Variants in TMED4 observed in about 807,000 individuals in gnomAD.
The protein encoded by TMED4 is transmembrane emp24 domain-containing protein 4.
Under a neutral mutation model 26.5 loss-of-function variants are expected in TMED4, and 19 were observed. The observed-to-expected ratio is 0.72, with a 90% CI of 0.50 to 1.05. TMED4 has a LOEUF of 1.05. Ranked by LOEUF, TMED4 falls within the 50% of genes least tolerant of loss-of-function variation. The probability of loss-of-function intolerance (pLI) is 0.00; values close to 1 mark genes in which losing one functional copy is unlikely to be tolerated. For synonymous variants in TMED4, 121 were observed against 119.8 expected, an observed-to-expected ratio of 1.01 and a Z score of -0.07; for missense variants, 303 against 302.5, an observed-to-expected ratio of 1.00 and a Z score of -0.01.
chr7:44,581,915 G>A (rs1803014554), intron 1 of TMED4, 92 bp from the exon 2 acceptor site: 1 of 1,570,944 alleles, frequency 6.4e-7, no homozygotes, highest in Non-Finnish European at 8.7e-7. Flanking sequence ...CTAGGCAGGG[G>A]GCCTGGCGTC....
Position 44,578,962 on chromosome 7 carries a change from A to G in TMED4, c.*517T>C, listed in dbSNP as rs1304192827. 1.3e-5 allele frequency: 2 copies of G among 152,116 alleles called. No individual in the cohort carries two copies. The highest frequency in any genetic ancestry group is 2.9e-5 in the Non-Finnish European group (2 of 68,034). 9.4% of individuals were successfully genotyped at this position (152,116 alleles called of 1,614,324 possible). A position where few individuals can be genotyped will look rare whatever the true frequency, so the allele number is the denominator to read the frequency against. ...ACAGGCAGTAACACTTCTACTAGGA[A>G]GGAAAATATATAATTTATCCAAAAA... On this transcript the variant is annotated 3_prime_UTR_variant, in exon 5 of 5. Transcript: ENST00000457408.
Position 44,581,156 on chromosome 7 carries a change from C to T in TMED4, c.471G>A (p.Gln157=). 1 of 1,614,172 alleles carries T rather than the reference C, an allele frequency of 6.2e-7. No homozygotes were observed. The highest frequency in any genetic ancestry group is 8.5e-7 in the Non-Finnish European group (1 of 1,180,032). Residue 157 remains glutamine (Q), a synonymous_variant, in exon 4 of 5, where the codon CAG becomes CAA. Transcript: ENST00000457408. The part of the protein sequence containing the change: ...IAAKDKLTEL[Q]LRARQLLDQV... ...GATCAAGCAACTGGCGGGCGCGGAG[C>T]TGTAGCTCCGTCAGCTTATCTTTTG...
Position 44,582,160 on chromosome 7 carries a change from G to A in TMED4, c.47C>T (p.Ala16Val), listed in dbSNP as rs1251040807. 4 of 1,549,226 alleles carry A rather than the reference G, an allele frequency of 2.6e-6. No individual in the cohort carries two copies. The highest frequency in any genetic ancestry group is 3.5e-6 in the Non-Finnish European group (4 of 1,146,490). ...AGPLRAMGRQ[A>V]LLLLALCATG... ...GGCGCACAGCGCGAGAAGCAGCAGGGCCTGCCGCCCCATCGCCCGCAGAGG... is the reference window on the plus strand; with the variant it reads ...GGCGCACAGCGCGAGAAGCAGCAGGACCTGCCGCCCCATCGCCCGCAGAGG... Residue 16 changes from alanine to valine, a missense_variant, in exon 1 of 5, where the codon GCC becomes GTC. By Grantham distance (64) the Ala-to-Val change is moderately conservative (BLOSUM62 0). Transcript: ENST00000457408.
chr7:44,580,940 C>A, intron 4 of TMED4, 153 bp downstream of exon 4: 1 of 844,944 alleles, frequency 1.2e-6, no homozygotes, highest in Non-Finnish European at 1.8e-6. Context: ...AAGAGTGAAA[C>A]TCCGTCTCAA....
Position 44,577,938 on chromosome 7 carries a change from TATATA to T in TMED4, c.*1536_*1540del, listed in dbSNP as rs1299004321. 2.0e-5 allele frequency: 3 copies of T among 152,036 alleles called. No homozygotes were observed. The highest frequency in any genetic ancestry group is 4.4e-5 in the Non-Finnish European group (3 of 68,006). The allele number at this position is 152,036 out of a possible 1,614,324, so 9.4% of individuals were successfully genotyped here. On this transcript the variant is annotated 3_prime_UTR_variant, in exon 5 of 5. Coordinates refer to ENST00000457408, the MANE Select transcript of TMED4 (RefSeq NM_182547.4). ...TAATTTAATAAATATTTCAAATAAA[TATATA>T]ATAAAAACTGAAATAAAATGTCAAG... is the stretch of plus-strand genomic sequence containing the variant.
chr7:44,581,310 T>C (rs1802982978), intron 3 of TMED4, 71 bp from the exon 4 acceptor site: 2 of 1,601,090 alleles, frequency 1.2e-6, no homozygotes, highest in South Asian at 1.1e-5. Flanking sequence ...GAACCCACTA[T>C]TGTCCCTGGC....
chr7:44,580,812 T>C, intron 4 of TMED4: 2 of 302,756 alleles, frequency 6.6e-6, no homozygotes, highest in Non-Finnish European at 1.3e-5. Flanking sequence ...CCAGGCATGG[T>C]GGCGCATGCC....
chr7:44,581,047 A>G, intron 4 of TMED4, 46 bp downstream of exon 4: 1 of 1,610,086 alleles, frequency 6.2e-7, no homozygotes, highest in Non-Finnish European at 8.5e-7. Flanking sequence ...TATAGTGGGT[A>G]TAAAGGTCAA....
In TMED4 at chr7:44,579,878, G is replaced by A. The variant is rs181379209; in HGVS notation, c.535-250C>T. The A allele has an allele frequency of 4.4e-5, 15 of 343,972 alleles. No individual in the cohort carries two copies. The Admixed American group carries it at 6.3e-4, about 14-fold the overall frequency. 21.3% of individuals were successfully genotyped at this position (343,972 alleles called of 1,614,324 possible). Reference sequence around the variant, plus strand: ...TTCCAACAAGAGTCCAAGAAAAACAGGTAGGCAATGGCTATTACTAGATTG... The same window carrying A: ...TTCCAACAAGAGTCCAAGAAAAACAAGTAGGCAATGGCTATTACTAGATTG... On this transcript the variant is annotated intron_variant, in intron 4 of 4. Transcript: ENST00000457408.
rs1426574813 is a variant in TMED4 at position 44,579,734 on chromosome 7, A to G, written c.535-106T>C. 1.1e-5 allele frequency: 14 copies of G among 1,261,906 alleles called. No homozygotes were observed. In the African/African-American group the frequency reaches 1.3e-4, roughly 12 times the overall value. 78.2% of individuals were successfully genotyped at this position (1,261,906 alleles called of 1,614,324 possible). A position where few individuals can be genotyped will look rare whatever the true frequency, so the allele number is the denominator to read the frequency against. On this transcript the variant is annotated intron_variant, in intron 4 of 4. Transcript: ENST00000457408. Reference sequence around the variant, plus strand: ...AACTCCAGGACCAAACTCCTTTTGGAATACTATCTGTGACTCCATTAGGAG... The same window carrying G: ...AACTCCAGGACCAAACTCCTTTTGGGATACTATCTGTGACTCCATTAGGAG...
rs1477622829 is a variant in TMED4, at chr7:44,579,556, T to C, written c.607A>G (p.Thr203Ala). 1.2e-6 allele frequency: 2 copies of C among 1,614,042 alleles called. No homozygotes were observed. Among genetic ancestry groups the C allele is most frequent in the Middle Eastern group, 3.3e-4 (2 of 6,084 alleles). Reference protein sequence around the residue: ...QRVLWWSIAQTVILILTGIWQ... With the variant: ...QRVLWWSIAQAVILILTGIWQ... ...ATGCCAGTGAGGATGAGGATGACAGTCTGAGCAATGGACCACCATAGGACC... is the reference window on the plus strand; with the variant it reads ...ATGCCAGTGAGGATGAGGATGACAGCCTGAGCAATGGACCACCATAGGACC... Residue 203 changes from threonine (T) to alanine (A), a missense_variant, in exon 5 of 5, where the codon ACT (threonine) becomes GCT (alanine). By Grantham distance (58) the Thr-to-Ala change is moderately conservative. Transcript: ENST00000457408.
At position 44,579,464 on chromosome 7, in the gene TMED4, C is replaced by T; in HGVS notation, c.*15G>A. 6.2e-7 allele frequency: 1 copy of T among 1,609,278 alleles called. No homozygotes were observed. The highest frequency in any genetic ancestry group is 8.5e-7 in the Non-Finnish European group (1 of 1,176,592). ...AATAAATGAGGTAAAAAGGAAGGGT[C>T]ATACAAAGAGGGCACTACACCAGCT... On this transcript the variant is annotated 3_prime_UTR_variant, in exon 5 of 5. Transcript: ENST00000457408.
At position 44,581,829 on chromosome 7, in the gene TMED4, G is replaced by A. The variant is rs765793169; in HGVS notation, c.161-6C>T. On this transcript the variant is annotated splice_region_variant and splice_polypyrimidine_tract_variant and intron_variant, in intron 1 of 4. Coordinates refer to ENST00000457408, the MANE Select transcript of TMED4 (RefSeq NM_182547.4). Reference sequence around the variant, plus strand: ...CATCTGGGTACGATAGTTGCCTGCGGGGCAGACACATAGTCACGACCGGCC... The same window carrying A: ...CATCTGGGTACGATAGTTGCCTGCGAGGCAGACACATAGTCACGACCGGCC... The A allele has an allele frequency of 1.9e-6, 3 of 1,613,944 alleles. No individual in the cohort carries two copies. The highest frequency in any genetic ancestry group is 8.5e-7 in the Non-Finnish European group (1 of 1,179,886).
chr7:44,581,061 C>T (rs764273334), intron 4 of TMED4, 32 bp downstream of exon 4: 7 of 1,612,948 alleles, frequency 4.3e-6, no homozygotes, highest in Middle Eastern at 1.6e-4. Context: ...AGGTCAACTG[C>T]CCTCTCAAAT....
chr7:44,579,658 C>T, intron 4 of TMED4, 30 bp from the exon 5 acceptor site: 1 of 1,594,598 alleles, frequency 6.3e-7, no homozygotes, highest in Non-Finnish European at 8.6e-7. Flanking sequence ...GTTAAGTGAG[C>T]AGGAGAAACA....
chr7:44,581,315 C>G, intron 3 of TMED4, 76 bp from the exon 4 acceptor site: 1 of 1,600,320 alleles, frequency 6.2e-7, no homozygotes, highest in Non-Finnish European at 8.5e-7. Flanking sequence ...CACTATTGTC[C>G]CTGGCTGTGG....
At chr7:44,580,777 G>A (rs540021556) in intron 4 of TMED4, 120 of 226,114 alleles carry the variant, frequency 5.3e-4, no homozygotes, top group African/African-American at 2.7e-3. Context: ...AGAAACCCCC[G>A]TCTCTACTAA....
chr7:44,580,970 T>C, intron 4 of TMED4, 123 bp downstream of exon 4: 15 of 1,092,092 alleles, frequency 1.4e-5, no homozygotes, highest in Non-Finnish European at 1.9e-5. Flanking sequence ...ACAAACAACC[T>C]ATCTAAACCA....
In TMED4 at chr7:44,582,087, G is replaced by A; in HGVS notation, c.120C>T (p.Arg40=). The A allele has an allele frequency of 6.4e-7, 1 of 1,566,912 alleles. No homozygotes were observed. The highest frequency in any genetic ancestry group is 8.7e-7 in the Non-Finnish European group (1 of 1,155,918). ...CGTCGGGGATTTCCTCGATGAAACA[G>A]CGCTTCTCGGTCTCGCCGATGTGGA... ...LYFHIGETEK[R]CFIEEIPDET... Residue 40 remains arginine, a synonymous_variant, in exon 1 of 5, where the codon CGC becomes CGT. Coordinates refer to ENST00000457408, the MANE Select transcript of TMED4 (RefSeq NM_182547.4).
Sources: allele counts gnomAD v4.1 joint callset, GRCh38; gene constraint gnomAD v4.1.1; transcripts MANE v1.5; gene names NCBI Gene and HGNC (gene_info 2026-07-23, HGNC 2026-07-21).